TNRC18: variants seen among roughly 807,000 people sequenced by gnomAD.
TNRC18 encodes the protein trinucleotide repeat containing 18.
In TNRC18, 69 loss-of-function variants were observed where a neutral mutation model predicts 226.7. That is an observed-to-expected ratio of 0.30 (90% confidence interval 0.25 to 0.37). The LOEUF is 0.37. Ranked by LOEUF, TNRC18 falls within the 10% of genes least tolerant of loss-of-function variation. TNRC18 has a pLI of 1.00. For synonymous variants in TNRC18, 2,449 were observed against 1,927.6 expected, an observed-to-expected ratio of 1.27 and a Z score of -7.09; for missense variants, 4,754 against 4,256.6, an observed-to-expected ratio of 1.12 and a Z score of -3.25.
At chr7:5,321,257 G>C in intron 21 of TNRC18, 67 bp from the exon 22 acceptor site, 1 of 1,188,920 alleles carries the variant, frequency 8.4e-7, no homozygotes, top group Non-Finnish European at 1.2e-6. Flanking sequence ...CCCTCCTCCC[G>C]TTACCCCCAA....
In TNRC18 at chr7:5,313,479, G is replaced by A; in HGVS notation, c.7412C>T (p.Ser2471Leu). The A allele has an allele frequency of 1.9e-6, 3 of 1,613,270 alleles. No individual in the cohort carries two copies. Among genetic ancestry groups the A allele is most frequent in the East Asian group, 2.2e-5 (1 of 44,874 alleles). ...LVKLDHEGVT[S>L]PKSKKAKEAL... ...CTCTTTAGCCTTCTTGCTTTTGGGTGACGTGACACCCTCGTGGTCCAGTTT... is the reference window on the plus strand; with the variant it reads ...CTCTTTAGCCTTCTTGCTTTTGGGTAACGTGACACCCTCGTGGTCCAGTTT... The change falls in exon 27 of 30, where the codon TCA becomes TTA. Residue 2471 changes from serine to leucine, a missense_variant. Ser to Leu is a moderately radical substitution (Grantham distance 145). Coordinates refer to ENST00000430969, the MANE Select transcript of TNRC18 (RefSeq NM_001080495.3).
chr7:5,334,796 G>A (rs1305877712), intron 18 of TNRC18, among the ~76,000 whole-genome samples: 1 of 152,086 alleles, frequency 6.6e-6, no homozygotes, highest in African/African-American at 2.4e-5. Flanking sequence ...GGTGCAGGGA[G>A]GGACAGTAGA....
intron 2 of TNRC18, among the ~76,000 whole-genome samples, chr7:5,405,776 A>G (rs1425563813): frequency 2.0e-5 from 3 of 152,130 alleles, no homozygotes; most frequent in Admixed American, 1.3e-4. Flanking sequence ...AAGTATACAG[A>G]AATTAGCCCA....
At chr7:5,365,547 G>C (rs1296526188) in intron 11 of TNRC18, among the ~76,000 whole-genome samples, 1 of 152,090 alleles carries the variant, frequency 6.6e-6, no homozygotes, top group African/African-American at 2.4e-5. Flanking sequence ...TCCAGGAAGG[G>C]TGCTCCAACC....
intron 21 of TNRC18, 64 bp from the exon 22 acceptor site, chr7:5,321,254 C>T (rs946786952): frequency 8.3e-7 from 1 of 1,200,156 alleles, no homozygotes; most frequent in East Asian, 2.6e-5. Context: ...TCTCCCTCCT[C>T]CCGTTACCCC....
Position 5,421,269 on chromosome 7 carries a change from AGCCCCCCACCCG to A in TNRC18, c.-35_-24del. 7.8e-7 allele frequency: 1 copy of A among 1,281,510 alleles called. No individual in the cohort carries two copies. Among genetic ancestry groups the A allele is most frequent in the Non-Finnish European group, 9.9e-7 (1 of 1,011,866 alleles). The allele number at this position is 1,281,510 out of a possible 1,614,324, so 79.4% of individuals were successfully genotyped here. On this transcript the variant is annotated 5_prime_UTR_variant, in exon 2 of 30. Transcript: ENST00000430969. The stretch of plus-strand genomic sequence containing the variant: ...CATCCTCCGCGGGAGTGCCGCGATC[AGCCCCCCACCCG>A]GCCCGCAGGCCTAGCTCAGTGGGAC...
rs549445469 is a variant in TNRC18 at position 5,421,125 on chromosome 7, G to A, written c.122C>T (p.Ser41Leu). The A allele has an allele frequency of 1.0e-5, 15 of 1,459,128 alleles. No individual in the cohort carries two copies. In the African/African-American group the frequency reaches 1.4e-4, roughly 14 times the overall value. 90.4% of individuals were successfully genotyped at this position (1,459,128 alleles called of 1,614,324 possible). A position where few individuals can be genotyped will look rare whatever the true frequency, so the allele number is the denominator to read the frequency against. The change falls in exon 2 of 30, where the codon TCG becomes TTG. Residue 41 changes from serine (S) to leucine (L), a missense_variant. Coordinates refer to ENST00000430969, the MANE Select transcript of TNRC18 (RefSeq NM_001080495.3). The part of the protein sequence containing the change: ...GAATAGRLPA[S>L]GLPGPLPPGK... ...GGGCGGCAGCGGGCCGGGCAAGCCC[G>A]AGGCGGGCAAGCGTCCGGCAGTGGC...
chr7:5,370,136 C>A (rs919042253), intron 11 of TNRC18, among the ~76,000 whole-genome samples: 2 of 151,946 alleles, frequency 1.3e-5, no homozygotes, highest in Non-Finnish European at 2.9e-5. Flanking sequence ...GGCAACAGAG[C>A]AAGACCCCAT....
Position 5,394,095 on chromosome 7 carries a change from C to G in TNRC18, c.343+345G>C, listed in dbSNP as rs4724667. Among the ~76,000 whole-genome samples the G allele has an allele frequency of 0.08, 12,149 of 152,124 alleles. 545 individuals carry two copies. Among genetic ancestry groups the G allele is most frequent in the African/African-American group, 0.11 (4,735 of 41,462 alleles). ...TAGGCCCTGAACTCAGGGCTCACTC[C>G]GGTGGGAAAGCGGGTAGTTCATGAA... On this transcript the variant is annotated intron_variant, in intron 3 of 29. Coordinates refer to ENST00000430969, the MANE Select transcript of TNRC18 (RefSeq NM_001080495.3). This position sits in a 1 kb window ranked among gnomAD's most constrained non-coding sequence, Gnocchi z 4.5.
chr7:5,378,611 G>C (rs1779175011), intron 5 of TNRC18, among the ~76,000 whole-genome samples: 1 of 151,534 alleles, frequency 6.6e-6, no homozygotes, highest in Admixed American at 6.6e-5. Context: ...GTAGAGACGG[G>C]GCTTCACCGT....
chr7:5,393,205 C>G lies in TNRC18; in HGVS notation c.343+1235G>C, dbSNP rs923613121. On this transcript the variant is annotated intron_variant, in intron 3 of 29. Transcript: ENST00000430969. ...AGACAGTCCCGAGAGGCAGGCTCTC[C>G]TCATCCAGACCCTCTGGCATCTGCC... Among the ~76,000 whole-genome samples the G allele has an allele frequency of 2.0e-5, 3 of 152,162 alleles. No homozygotes were observed. In the South Asian group the frequency reaches 6.2e-4, roughly 31 times the overall value.
At position 5,312,941 on chromosome 7, in the gene TNRC18, GGAAGAGGAGGAAGAC is replaced by G; in HGVS notation, c.7935_7949del (p.Ser2667_Ser2671del). 7.3e-7 allele frequency: 1 copy of G among 1,369,896 alleles called. No homozygotes were observed. The highest frequency in any genetic ancestry group is 1.0e-6 in the Non-Finnish European group (1 of 999,484). 84.9% of individuals were successfully genotyped at this position (1,369,896 alleles called of 1,614,324 possible). Reference sequence around the variant, plus strand: ...ATGAGGACGAGGAAGAGGAGGAGGAGGAAGAGGAGGAAGACGAAGAGGAAGAGGAGGAGGAGGAAG... The same window carrying G: ...ATGAGGACGAGGAAGAGGAGGAGGAGGAAGAGGAAGAGGAGGAGGAGGAAG... On this transcript the variant is annotated inframe_deletion, in exon 27 of 30. Transcript: ENST00000430969. This position sits in a 1 kb window ranked among gnomAD's most constrained non-coding sequence, Gnocchi z 6.3.
chr7:5,383,140 C>T (rs1390882675), intron 5 of TNRC18, among the ~76,000 whole-genome samples: 2 of 152,144 alleles, frequency 1.3e-5, no homozygotes, highest in African/African-American at 4.8e-5. Context: ...TGAGCTCAAG[C>T]GATCTGCCCA....
Position 5,421,151 on chromosome 7 carries a change from C to A in TNRC18, c.96G>T (p.Ala32=), listed in dbSNP as rs1372708298. ...AGGCGGGCAAGCGTCCGGCAGTGGC[C>A]GCGCCCACGCGGTGGCTGTCCATGG... The part of the protein sequence containing the change: ...GLAMDSHRVG[A]ATAGRLPASG... Residue 32 remains alanine (A), a synonymous_variant, in exon 2 of 30, where the codon GCG becomes GCT. Coordinates refer to ENST00000430969, the MANE Select transcript of TNRC18 (RefSeq NM_001080495.3). 5.6e-6 allele frequency: 8 copies of A among 1,426,904 alleles called. No homozygotes were observed. Among genetic ancestry groups the A allele is most frequent in the Non-Finnish European group, 7.4e-6 (8 of 1,086,652 alleles). The allele number at this position is 1,426,904 out of a possible 1,614,324, so 88.4% of individuals were successfully genotyped here. A position where few individuals can be genotyped will look rare whatever the true frequency, so the allele number is the denominator to read the frequency against.
intron 11 of TNRC18, among the ~76,000 whole-genome samples, chr7:5,365,263 C>T (rs1173280751): frequency 2.0e-5 from 3 of 152,194 alleles, no homozygotes; most frequent in Non-Finnish European, 2.9e-5. Flanking sequence ...AGGCACATGC[C>T]GTCACACCCA....
At chr7:5,355,669 T>A (rs1237447244) in intron 16 of TNRC18, among the ~76,000 whole-genome samples, 1 of 152,086 alleles carries the variant, frequency 6.6e-6, no homozygotes, top group African/African-American at 2.4e-5. Context: ...GAGGATTGCT[T>A]GAGCCCAGGC....
At position 5,308,021 on chromosome 7, in the gene TNRC18, G is replaced by T; in HGVS notation, c.*85C>A. 1 of 1,291,808 alleles carries T rather than the reference G, an allele frequency of 7.7e-7. No individual in the cohort carries two copies. The highest frequency in any genetic ancestry group is 1.5e-5 in the African/African-American group (1 of 68,096). 80.0% of individuals were successfully genotyped at this position (1,291,808 alleles called of 1,614,324 possible). On this transcript the variant is annotated 3_prime_UTR_variant, in exon 30 of 30. Transcript: ENST00000430969. ...GCAGGAGCGCTCGCATGCACACAAC[G>T]CACGTGGTCTCCGCGCCATGGCAGT...
chr7:5,360,152 C>G (rs1215795030), intron 14 of TNRC18, among the ~76,000 whole-genome samples: 4 of 152,186 alleles, frequency 2.6e-5, no homozygotes, highest in Non-Finnish European at 4.4e-5. Context: ...GTGTGTCTTG[C>G]ACTGTGTTAG....
chr7:5,350,057 G>A (rs973282760), intron 17 of TNRC18, among the ~76,000 whole-genome samples: 1 of 152,154 alleles, frequency 6.6e-6, no homozygotes, highest in Admixed American at 6.5e-5. Flanking sequence ...GGGCAGGAGG[G>A]CTCAAAAACT....
Sources: gnomAD v4.1 joint callset for allele counts (sites outside exome capture counted in the v4.1 genomes callset) on GRCh38, gnomAD v4.1.1 for gene constraint, Gnocchi (gnomAD v3.1) non-coding constraint, MANE v1.5 for transcripts, NCBI Gene and HGNC (gene_info 2026-07-23, HGNC 2026-07-21) for gene names.